The following TRIP12 variants were observed in gnomAD, a reference collection of about 807,000 sequenced individuals.
The protein encoded by TRIP12 is thyroid hormone receptor interactor 12.
TRIP12 carries 25 observed loss-of-function variants against 244.2 expected under a neutral mutation model. That is an observed-to-expected ratio of 0.10 (90% CI 0.07 to 0.14). The LOEUF is 0.14. Among genes scored for constraint, TRIP12 ranks in the 10% least tolerant of loss-of-function variants. The pLI is 1.00. For synonymous variants in TRIP12, 905 were observed against 873.1 expected, an observed-to-expected ratio of 1.04 and a Z score of -0.64; for missense variants, 1,677 against 2,486.4, an observed-to-expected ratio of 0.67 and a Z score of 6.92.
chr2:229,825,651 A>G (rs930536039), intron 8 of TRIP12, among the ~76,000 whole-genome samples: 1 of 152,200 alleles, frequency 6.6e-6, no homozygotes. Flanking sequence ...TCAGGAGAAC[A>G]GCATGGGGGA....
chr2:229,792,858 C>T, intron 27 of TRIP12, 115 bp downstream of exon 27: 2 of 1,082,576 alleles, frequency 1.8e-6, no homozygotes, highest in Non-Finnish European at 2.5e-6. Flanking sequence ...TAAGTTCCTG[C>T]CATCTATTTT....
At chr2:229,876,829 A>G (rs1250904065) in intron 2 of TRIP12, among the ~76,000 whole-genome samples, 2 of 151,904 alleles carry the variant, frequency 1.3e-5, no homozygotes, top group African/African-American at 4.8e-5. Flanking sequence ...GTGCGCAGCT[A>G]ATTTATTTTT....
intron 8 of TRIP12, among the ~76,000 whole-genome samples, chr2:229,819,091 T>C (rs917562973): frequency 3.7e-5 from 5 of 135,690 alleles, no homozygotes; most frequent in Non-Finnish European, 6.3e-5. Flanking sequence ...CACACAATTA[T>C]AAACCCTTGC....
chr2:229,861,894 C>CA (rs1303761675), intron 2 of TRIP12, among the ~76,000 whole-genome samples: 1 of 151,598 alleles, frequency 6.6e-6, no homozygotes, highest in South Asian at 2.1e-4. Flanking sequence ...AAAAAAATAA[C>CA]AAAAAAACAA....
intron 1 of TRIP12, among the ~76,000 whole-genome samples, chr2:229,916,423 G>A (rs900529593): frequency 6.6e-6 from 1 of 152,176 alleles, no homozygotes; most frequent in African/African-American, 2.4e-5. Context: ...AAGTGTGGAG[G>A]TGCCCGTCTG....
intron 33 of TRIP12, among the ~76,000 whole-genome samples, chr2:229,786,365 T>C (rs771517259): frequency 6.6e-6 from 1 of 151,210 alleles, no homozygotes; most frequent in African/African-American, 2.4e-5. Flanking sequence ...TCAGTGCTTA[T>C]GGAATCCTAA....
chr2:229,922,893 C>T (rs549001142), upstream of TRIP12, among the ~76,000 whole-genome samples: 25 of 152,320 alleles, frequency 1.6e-4, no homozygotes, highest in South Asian at 4.4e-3. Context: ...CGTAGAGTTT[C>T]CTCCGCGCGA....
intron 1 of TRIP12, among the ~76,000 whole-genome samples, chr2:229,886,438 G>A (rs148994166): frequency 1.2e-3 from 188 of 152,128 alleles, no homozygotes; most frequent in Non-Finnish European, 2.3e-3. Flanking sequence ...ATGTGATAAC[G>A]GGATATTATA....
At chr2:229,829,392 C>A in intron 7 of TRIP12, 104 bp from the exon 8 acceptor site, 1 of 859,326 alleles carries the variant, frequency 1.2e-6, no homozygotes, top group South Asian at 1.9e-5. Flanking sequence ...CTGATTCAGT[C>A]AATGTTACTT....
chr2:229,858,032 A>C (rs913352428), intron 4 of TRIP12, among the ~76,000 whole-genome samples: 1 of 152,090 alleles, frequency 6.6e-6, no homozygotes, highest in African/African-American at 2.4e-5. Context: ...GTAATAACTT[A>C]ATTCACTGTA....
chr2:229,797,923 T>C (rs2043212656), intron 23 of TRIP12, 92 bp from the exon 24 acceptor site: 2 of 1,314,056 alleles, frequency 1.5e-6, no homozygotes, highest in South Asian at 2.9e-5. Context: ...CATTTAAAAT[T>C]CATCCTGGTC....
At chr2:229,823,554 T>C (rs1450466378) in intron 8 of TRIP12, among the ~76,000 whole-genome samples, 2 of 151,642 alleles carry the variant, frequency 1.3e-5, no homozygotes, top group African/African-American at 2.4e-5. Flanking sequence ...CAGGCACCTG[T>C]AGTCCCAGCT....
At chr2:229,897,579 G>T (rs553429546) in intron 1 of TRIP12, among the ~76,000 whole-genome samples, 4 of 152,178 alleles carry the variant, frequency 2.6e-5, no homozygotes, top group Admixed American at 1.3e-4. Context: ...ACCAGGAGGC[G>T]GAGGTTGCAG....
intron 1 of TRIP12, among the ~76,000 whole-genome samples, chr2:229,916,837 C>A (rs1308320262): frequency 7.0e-6 from 1 of 143,414 alleles, no homozygotes; most frequent in Non-Finnish European, 1.5e-5. Flanking sequence ...AAACCCAAGA[C>A]ATTAGCAGAG....
At chr2:229,908,488 T>C (rs1363080834) in intron 1 of TRIP12, among the ~76,000 whole-genome samples, 3 of 152,202 alleles carry the variant, frequency 2.0e-5, no homozygotes, top group Non-Finnish European at 4.4e-5. Context: ...CTCACACTTG[T>C]AATCCCAGCA....
chr2:229,802,477 T>C lies in TRIP12; in HGVS notation c.2999-18A>G. 6.3e-7 allele frequency: 1 copy of C among 1,591,286 alleles called. No homozygotes were observed. The highest frequency in any genetic ancestry group is 1.1e-5 in the South Asian group (1 of 89,384). ...CATTACACCTTTATAATAACAGAGA[T>C]GAAAGGGAGTCAGTTTTAATCAGGA... On this transcript the variant is annotated intron_variant, in intron 20 of 41. Transcript: ENST00000675903.
At chr2:229,909,923 G>C (rs2073939460) in intron 1 of TRIP12, among the ~76,000 whole-genome samples, 1 of 152,198 alleles carries the variant, frequency 6.6e-6, no homozygotes, top group Non-Finnish European at 1.5e-5. Flanking sequence ...TCCACTGCTA[G>C]AGTAACTGCA....
At chr2:229,814,490 A>C in intron 11 of TRIP12, 165 bp from the exon 12 acceptor site, 2 of 558,712 alleles carry the variant, frequency 3.6e-6, no homozygotes, top group Non-Finnish European at 6.0e-6. Flanking sequence ...AGTATAGCCA[A>C]AACAGTTTCC....
At chr2:229,902,654 G>GT (rs1277066737) in intron 1 of TRIP12, among the ~76,000 whole-genome samples, 1 of 152,080 alleles carries the variant, frequency 6.6e-6, no homozygotes, top group Admixed American at 6.6e-5. Context: ...GAGATCTTTG[G>GT]TTTTTTTGAA....
Sources: gnomAD v4.1 joint callset for allele counts (sites outside exome capture counted in the v4.1 genomes callset) on GRCh38, gnomAD v4.1.1 for gene constraint, MANE v1.5 for transcripts, NCBI Gene and HGNC (gene_info 2026-07-23, HGNC 2026-07-21) for gene names.